ATXN3: variants seen among roughly 807,000 people sequenced by gnomAD.
The protein encoded by ATXN3 is ataxin 3, also known as ataxin-3.
ATXN3 carries 28 observed loss-of-function variants against 58.2 expected under a neutral mutation model. The ratio of observed to expected loss-of-function variants is 0.48; its 90% confidence interval spans 0.36 to 0.66. The LOEUF (loss-of-function observed/expected upper bound fraction) is 0.66. Ranked by LOEUF, ATXN3 falls within the 30% of genes least tolerant of loss-of-function variation. The pLI, the probability that ATXN3 is intolerant of heterozygous loss-of-function variation, is 0.00. For missense variants in ATXN3, 321 were observed against 422.1 expected (o/e 0.76, Z 2.10); for synonymous variants, 113 against 138.5 (o/e 0.82, Z 1.29).
chr14:92,075,338 T>C (rs998377440), intron 9 of ATXN3, among the ~76,000 whole-genome samples: 11 of 152,092 alleles, frequency 7.2e-5, no homozygotes, highest in African/African-American at 2.4e-4. Flanking sequence ...CTAATTTTTT[T>C]GTATTTTTAG....
Position 92,096,147 on chromosome 14 carries a change from T to G in ATXN3, c.190-10A>C, listed in dbSNP as rs775314613. The G allele has an allele frequency of 6.2e-7, 1 of 1,607,320 alleles. No individual in the cohort carries two copies. Among genetic ancestry groups the G allele is most frequent in the Non-Finnish European group, 8.5e-7 (1 of 1,178,940 alleles). ...TATTTCCAGAAGGCTGCTGTTAATT[T>G]TGACAGGTAGTTGAAGCAAGGGTGG... On this transcript the variant is annotated splice_polypyrimidine_tract_variant and intron_variant, in intron 2 of 10. Transcript: ENST00000644486.
intron 6 of ATXN3, among the ~76,000 whole-genome samples, chr14:92,086,832 G>GA (rs1454211396): frequency 6.6e-6 from 1 of 150,516 alleles, no homozygotes; most frequent in South Asian, 2.1e-4. Context: ...AAGGGGGGGG[G>GA]AACTGATTAT....
At chr14:92,068,769 T>C (rs1259576275) in intron 10 of ATXN3, among the ~76,000 whole-genome samples, 1 of 152,044 alleles carries the variant, frequency 6.6e-6, no homozygotes, top group Non-Finnish European at 1.5e-5. Context: ...CTTGTATTTT[T>C]AGTTGAGACA....
At chr14:92,057,324 G>C (rs551576886), downstream of ATXN3, among the ~76,000 whole-genome samples, 3 of 151,994 alleles carry the variant, frequency 2.0e-5, no homozygotes, top group Non-Finnish European at 1.5e-5. Flanking sequence ...GCTGAGGCAG[G>C]AGAATTGCTT....
rs1245840810 is a variant in ATXN3, at chr14:92,070,922, G to C, written c.991+13C>G. 1.9e-5 allele frequency: 30 copies of C among 1,613,578 alleles called. No individual in the cohort carries two copies. The highest frequency in any genetic ancestry group is 2.5e-5 in the Non-Finnish European group (30 of 1,179,910). On this transcript the variant is annotated intron_variant, in intron 10 of 10. Transcript: ENST00000644486. ...GAAGGTAGCGAACATGATGAATGGT[G>C]AGCAGGCCTTACCTAGATCACTCCC...
chr14:92,066,601 G>GGTTTTT (rs1566910261), intron 10 of ATXN3, among the ~76,000 whole-genome samples: 2 of 107,022 alleles, frequency 1.9e-5, no homozygotes. Flanking sequence ...TTTTTTTCTT[G>GGTTTTT]TTTTTTTTTT....
intron 6 of ATXN3, among the ~76,000 whole-genome samples, chr14:92,085,426 G>A (rs887886835): frequency 3.9e-5 from 6 of 152,054 alleles, no homozygotes; most frequent in African/African-American, 1.2e-4. Context: ...CTGACCTCAA[G>A]TGATCTGCCC....
At chr14:92,083,838 G>A (rs2061908361) in intron 6 of ATXN3, among the ~76,000 whole-genome samples, 1 of 152,152 alleles carries the variant, frequency 6.6e-6, no homozygotes. Flanking sequence ...CCTCAAACTG[G>A]GTGGTCACCA....
chr14:92,081,982 A>G (rs75924020), intron 8 of ATXN3, among the ~76,000 whole-genome samples: 1 of 152,366 alleles, frequency 6.6e-6, no homozygotes, highest in East Asian at 1.9e-4. Flanking sequence ...CTAATGGCAC[A>G]TATTTATGTA....
chr14:92,052,626 C>A (rs1312682227), upstream of ATXN3, among the ~76,000 whole-genome samples: 2 of 152,180 alleles, frequency 1.3e-5, no homozygotes, highest in African/African-American at 4.8e-5. Flanking sequence ...TGCATGACAG[C>A]CAAGATGCCA....
chr14:92,065,774 G>A (rs1219191037), intron 10 of ATXN3, among the ~76,000 whole-genome samples: 6 of 152,220 alleles, frequency 3.9e-5, no homozygotes, highest in Middle Eastern at 3.4e-3. Flanking sequence ...CCAGCTACTC[G>A]GGAGGCTGAG....
rs1008178285 is a variant in ATXN3 at position 92,100,027 on chromosome 14, A to G, written c.25-3189T>C. Among the ~76,000 whole-genome samples the G allele has an allele frequency of 7.9e-5, 12 of 152,364 alleles. No homozygotes were observed. The East Asian group carries it at 2.1e-3, about 27-fold the overall frequency. The stretch of plus-strand genomic sequence containing the variant: ...CTTCACAAGACAGTCAAATGGCTAT[A>G]AAGAACACAAAAGAGGTACTCAACT... On this transcript the variant is annotated intron_variant, in intron 1 of 10. Coordinates refer to ENST00000644486, the MANE Select transcript of ATXN3 (RefSeq NM_004993.6).
At chr14:92,050,317 A>G (rs2057443749), upstream of ATXN3, 1 of 152,224 alleles carries the variant, frequency 6.6e-6, no homozygotes. Context: ...GAAATTTTTT[A>G]TAATAAAAAG....
intron 10 of ATXN3, 180 bp downstream of exon 10, chr14:92,070,755 T>C: frequency 1.5e-6 from 2 of 1,364,330 alleles, no homozygotes; most frequent in South Asian, 1.6e-5. Flanking sequence ...TTTTTTTTTT[T>C]TTTTTCTTTT....
intron 1 of ATXN3, among the ~76,000 whole-genome samples, chr14:92,097,637 TG>T (rs1217630769): frequency 3.3e-5 from 5 of 151,950 alleles, no homozygotes; most frequent in South Asian, 4.2e-4. Flanking sequence ...GCCATTCTCC[TG>T]CCTCAGCCTA....
intron 5 of ATXN3, among the ~76,000 whole-genome samples, chr14:92,089,332 C>CTTT (rs1157498754): frequency 3.3e-4 from 20 of 60,752 alleles, no homozygotes; most frequent in African/African-American, 8.1e-4. Flanking sequence ...GCTAAATACT[C>CTTT]TTTTTTTTTT....
chr14:92,101,893 G>A (rs1255597466), intron 1 of ATXN3, among the ~76,000 whole-genome samples: 1 of 151,586 alleles, frequency 6.6e-6, no homozygotes, highest in Non-Finnish European at 1.5e-5. Flanking sequence ...GGTAGCTCAC[G>A]CCTGTAATCC....
intron 1 of ATXN3, among the ~76,000 whole-genome samples, chr14:92,098,935 A>T (rs1217438265): frequency 6.6e-6 from 1 of 152,082 alleles, no homozygotes; most frequent in Non-Finnish European, 1.5e-5. Context: ...ACAACTGGCA[A>T]CCTGAATCCA....
At chr14:92,064,494 G>A in intron 10 of ATXN3, 80 bp from the exon 11 acceptor site, 1 of 1,039,740 alleles carries the variant, frequency 9.6e-7, no homozygotes, top group Non-Finnish European at 1.5e-6. Flanking sequence ...CTCAGAAAAT[G>A]TATTTCTATT....
Sources: gnomAD v4.1 joint callset for allele counts (sites outside exome capture counted in the v4.1 genomes callset) on GRCh38, gnomAD v4.1.1 for gene constraint, MANE v1.5 for transcripts, NCBI Gene and HGNC (gene_info 2026-07-23, HGNC 2026-07-21) for gene names.